The following MMS19 variants were observed in gnomAD, a reference collection of about 807,000 sequenced individuals.
The protein encoded by MMS19 is MMS19 nucleotide excision repair protein homolog.
MMS19 carries 77 observed loss-of-function variants against 129.8 expected under a neutral mutation model. The observed-to-expected ratio is 0.59, with a 90% CI of 0.49 to 0.72. MMS19 has a LOEUF of 0.72. Ranked by LOEUF, MMS19 falls within the 30% of genes least tolerant of loss-of-function variation. The probability of loss-of-function intolerance (pLI) is 0.00; values close to 1 mark genes in which losing one functional copy is unlikely to be tolerated. For synonymous variants in MMS19, 491 were observed against 502.8 expected (o/e 0.98, Z 0.31); for missense variants, 1,168 against 1,266.3 (o/e 0.92, Z 1.18).
chr10:97,482,737 T>TACACACACAC (rs764606344), intron 2 of MMS19, among the ~76,000 whole-genome samples: 8 of 98,394 alleles, frequency 8.1e-5, no homozygotes, highest in African/African-American at 3.0e-4. Flanking sequence ...TGTATATATA[T>TACACACACAC]ACACACACAC....
chr10:97,486,897 A>AG (rs2038000919), intron 1 of MMS19, among the ~76,000 whole-genome samples: 4 of 142,126 alleles, frequency 2.8e-5, no homozygotes, highest in Non-Finnish European at 4.7e-5. Flanking sequence ...ATATATATAA[A>AG]ATTAAGACAG....
chr10:97,459,903 G>T (rs375192038), intron 26 of MMS19, 143 bp downstream of exon 26: 3 of 1,033,514 alleles, frequency 2.9e-6, no homozygotes, highest in African/African-American at 3.2e-5. Context: ...GAAGAAGTGG[G>T]ACAAGAATCT....
At chr10:97,484,699 C>T (rs11595151) in intron 1 of MMS19, among the ~76,000 whole-genome samples, 34,034 of 152,040 alleles carry the variant, frequency 0.22, 4,141 homozygotes, top group Non-Finnish European at 0.27. Context: ...GGGCAGATCA[C>T]GAGGTCAGGA....
At chr10:97,479,958 C>T (rs781434204) in intron 3 of MMS19, among the ~76,000 whole-genome samples, 3 of 152,116 alleles carry the variant, frequency 2.0e-5, no homozygotes, top group South Asian at 4.2e-4. Context: ...AGTGCCAGGC[C>T]GCAACCTTTG....
At position 97,476,758 on chromosome 10, in the gene MMS19, GA is replaced by G. The variant is rs745958704; in HGVS notation, c.623-15del. 33 of 1,613,664 alleles carry G rather than the reference GA, an allele frequency of 2.0e-5. No homozygotes were observed. In the African/African-American group the frequency reaches 3.1e-4, roughly 15 times the overall value. ...CCACAAAGGGTCCTGTGGCAACAGA[GA>G]AAAAATGAGGTTGGTTTATCAGCTT... On this transcript the variant is annotated splice_polypyrimidine_tract_variant and intron_variant, in intron 7 of 30. Transcript: ENST00000438925.
intron 19 of MMS19, 36 bp from the exon 20 acceptor site, chr10:97,462,718 C>A: frequency 6.7e-7 from 1 of 1,502,958 alleles, no homozygotes. Flanking sequence ...AATCACAAGA[C>A]CATGACGGGT....
rs1426364373 is a variant in MMS19 at position 97,478,391 on chromosome 10, T to C, written c.263-2A>G. ...CATAGAACAGTATCAGGTGTACCAC[T>C]GCACAAACCAGATTCAGCCATTAGT... On this transcript the variant is annotated splice_acceptor_variant, in intron 3 of 30. Transcript: ENST00000438925. LOFTEE classifies it high-confidence loss of function. 2 of 1,600,742 alleles carry C rather than the reference T, an allele frequency of 1.2e-6. No individual in the cohort carries two copies. Among genetic ancestry groups the C allele is most frequent in the African/African-American group, 1.3e-5 (1 of 74,688 alleles).
intron 1 of MMS19, among the ~76,000 whole-genome samples, chr10:97,484,741 C>T (rs2037509261): frequency 6.6e-6 from 1 of 152,180 alleles, no homozygotes; most frequent in Non-Finnish European, 1.5e-5. Flanking sequence ...CACGGTGAAA[C>T]CCTGTCTCTA....
chr10:97,477,941 G>A lies in MMS19; in HGVS notation c.349-12C>T, dbSNP rs763686572. 25 of 1,576,118 alleles carry A rather than the reference G, an allele frequency of 1.6e-5. No homozygotes were observed. In the Admixed American group the frequency reaches 4.5e-4, roughly 28 times the overall value. On this transcript the variant is annotated splice_polypyrimidine_tract_variant and intron_variant, in intron 4 of 30. Transcript: ENST00000438925. ...GCCACACACAGGCTCTGGGGGAGAGGAGAAGGTACGTGAATACCGAAGGAA... is the reference window on the plus strand; with the variant it reads ...GCCACACACAGGCTCTGGGGGAGAGAAGAAGGTACGTGAATACCGAAGGAA...
Position 97,458,458 on chromosome 10 carries a change from G to T in MMS19, c.*234C>A. 1.9e-6 allele frequency: 1 copy of T among 538,506 alleles called. No individual in the cohort carries two copies. Among genetic ancestry groups the T allele is most frequent in the Non-Finnish European group, 3.3e-6 (1 of 305,522 alleles). 33.4% of individuals were successfully genotyped at this position (538,506 alleles called of 1,614,324 possible). Reference sequence around the variant, plus strand: ...TGACATATAAATGCAAGAGACCCAGGACCCTAGATCTTTCTTCAAACGCAA... The same window carrying T: ...TGACATATAAATGCAAGAGACCCAGTACCCTAGATCTTTCTTCAAACGCAA... On this transcript the variant is annotated 3_prime_UTR_variant, in exon 31 of 31. Coordinates refer to ENST00000438925, the MANE Select transcript of MMS19 (RefSeq NM_022362.5).
chr10:97,491,707 G>A (rs1369089353), intron 1 of MMS19, among the ~76,000 whole-genome samples: 2 of 152,204 alleles, frequency 1.3e-5, no homozygotes, highest in East Asian at 1.9e-4. Flanking sequence ...ATATGAAAAT[G>A]GCTGCTTTAT....
In MMS19 at chr10:97,498,337, T is replaced by A. The variant is rs1329358319; in HGVS notation, c.48A>T (p.Leu16=). 1 of 1,574,544 alleles carries A rather than the reference T, an allele frequency of 6.4e-7. No individual in the cohort carries two copies. The highest frequency in any genetic ancestry group is 8.6e-7 in the Non-Finnish European group (1 of 1,167,574). The part of the protein sequence containing the change: ...AVEAAAPMGA[L]WGLVHDFVVG... ...CGACGAAGTCGTGCACGAGGCCCCA[T>A]AGGGCACCCATAGGCGCCGCCGCCT... is the stretch of plus-strand genomic sequence containing the variant. Residue 16 remains leucine, a synonymous_variant, in exon 1 of 31, where the codon CTA becomes CTT. Transcript: ENST00000438925.
At chr10:97,497,208 C>T (rs895645420) in intron 1 of MMS19, among the ~76,000 whole-genome samples, 11 of 152,154 alleles carry the variant, frequency 7.2e-5, no homozygotes, top group African/African-American at 2.4e-4. Flanking sequence ...CAGATCTAAC[C>T]TAATTTGTAT....
chr10:97,498,124 C>G (rs2040138210), intron 1 of MMS19, 149 bp downstream of exon 1: 1 of 667,844 alleles, frequency 1.5e-6, no homozygotes, highest in South Asian at 2.0e-5. Context: ...TAACTTGTTA[C>G]GGCTCTGAAC....
At chr10:97,498,666 T>G (rs2040254551), upstream of MMS19, 20 of 423,360 alleles carry the variant, frequency 4.7e-5, no homozygotes, top group East Asian at 1.5e-4. Flanking sequence ...GGCGGGCACC[T>G]GGCTGGGTGG....
In MMS19 at chr10:97,461,576, A is replaced by C; in HGVS notation, c.2231T>G (p.Leu744Arg). ...AAAGGGGCAGCTGTGGCAGCAGCTC[A>C]GTTCCAAAAGCTCCCGCATGAGTTG... ...LNQLMRELLE[L>R]SCCHSCPFSS... is the part of the protein sequence containing the mutation. Residue 744 changes from leucine to arginine, a missense_variant, in exon 23 of 31, where the codon CTG (leucine) becomes CGG (arginine). By Grantham distance (102) the Leu-to-Arg change is moderately radical (BLOSUM62 -2). Coordinates refer to ENST00000438925, the MANE Select transcript of MMS19 (RefSeq NM_022362.5). The C allele has an allele frequency of 6.2e-7, 1 of 1,601,898 alleles. No homozygotes were observed. Among genetic ancestry groups the C allele is most frequent in the Non-Finnish European group, 8.5e-7 (1 of 1,174,176 alleles).
rs569023655 is a variant in MMS19, at chr10:97,460,304, G to C, written c.2470-72C>G. On this transcript the variant is annotated intron_variant, in intron 25 of 30. Coordinates refer to ENST00000438925, the MANE Select transcript of MMS19 (RefSeq NM_022362.5). ...AAGTGCCAAAGATAAGGATGGGGCC[G>C]GGTGTGGTGGCTCATGCCTGTAATC... The C allele has an allele frequency of 1.8e-5, 26 of 1,416,396 alleles. No homozygotes were observed. In the South Asian group the frequency reaches 3.1e-4, roughly 17 times the overall value. The allele number at this position is 1,416,396 out of a possible 1,614,324, so 87.7% of individuals were successfully genotyped here.
Position 97,460,681 on chromosome 10 carries a change from C to A in MMS19, c.2469+14G>T. 6.3e-7 allele frequency: 1 copy of A among 1,582,014 alleles called. No homozygotes were observed. ...TTTAGGTCCTGGGTTCTTCTGTCTC[C>A]AGAAAGGACGTACCCGGGCTGTAAG... On this transcript the variant is annotated intron_variant, in intron 25 of 30. Transcript: ENST00000438925.
chr10:97,478,197 G>T (rs147664940), intron 4 of MMS19, 107 bp downstream of exon 4: 8 of 856,234 alleles, frequency 9.3e-6, no homozygotes, highest in African/African-American at 8.4e-5. Context: ...TCCCACACTT[G>T]GGCACCTGCT....
Sources: allele counts gnomAD v4.1 joint callset (sites outside exome capture counted in the v4.1 genomes callset), GRCh38; gene constraint gnomAD v4.1.1; transcripts MANE v1.5; gene names NCBI Gene and HGNC (gene_info 2026-07-23, HGNC 2026-07-21).